The following ATP6V0E2 variants were observed in gnomAD, a reference collection of about 807,000 sequenced individuals.
The protein encoded by ATP6V0E2 is ATPase H+ transporting V0 subunit e2, also known as V-type proton ATPase subunit e 2.
Under a neutral mutation model 11.5 loss-of-function variants are expected in ATP6V0E2, and 4 were observed. That is an observed-to-expected ratio of 0.35 (90% CI 0.17 to 0.80). The LOEUF (loss-of-function observed/expected upper bound fraction) is 0.80, where lower values mean the gene tolerates loss of function less well. ATP6V0E2 is among the 30% of genes least tolerant of loss of function. The pLI, the probability that ATP6V0E2 is intolerant of heterozygous loss-of-function variation, is 0.53. For missense variants in ATP6V0E2, 93 were observed against 113.5 expected, an observed-to-expected ratio of 0.82 and a Z score of 0.82; for synonymous variants, 52 against 51.0, an observed-to-expected ratio of 1.02 and a Z score of -0.09.
At position 149,879,800 on chromosome 7, in the gene ATP6V0E2, C is replaced by G. The variant is rs1178956340; in HGVS notation, c.*485C>G. 2 of 629,200 alleles carry G rather than the reference C, an allele frequency of 3.2e-6. No homozygotes were observed. Among genetic ancestry groups the G allele is most frequent in the East Asian group, 6.9e-5 (2 of 29,184 alleles). 39.0% of individuals were successfully genotyped at this position (629,200 alleles called of 1,614,324 possible). On this transcript the variant is annotated 3_prime_UTR_variant, in exon 4 of 4. Transcript: ENST00000425642. ...GGCCTCTATTGGGTTATAGGCAAGG[C>G]CTTTTCTCTGGCATGGAATTGTTAA...
Position 149,879,777 on chromosome 7 carries a change from C to G in ATP6V0E2, c.*462C>G, listed in dbSNP as rs147326806. ...ACCATCCTGCTGGGAACTGGGGGGGCCTCTATTGGGTTATAGGCAAGGCCT... is the reference window on the plus strand; with the variant it reads ...ACCATCCTGCTGGGAACTGGGGGGGGCTCTATTGGGTTATAGGCAAGGCCT... On this transcript the variant is annotated 3_prime_UTR_variant, in exon 4 of 4. Transcript: ENST00000425642. 1,257 of 912,556 alleles carry G rather than the reference C, an allele frequency of 1.4e-3. 24 individuals carry two copies. In the Admixed American group the frequency reaches 0.044, roughly 32 times the overall value. The allele number at this position is 912,556 out of a possible 1,614,324, so 56.5% of individuals were successfully genotyped here. A position where few individuals can be genotyped will look rare whatever the true frequency, so the allele number is the denominator to read the frequency against.
intron 1 of ATP6V0E2, 38 bp downstream of exon 1, chr7:149,874,207 C>G: frequency 1.3e-6 from 2 of 1,522,594 alleles, no homozygotes; most frequent in Non-Finnish European, 1.8e-6. Context: ...CCTCTCCACC[C>G]CGGCCCCCTG....
rs540552329 is a variant in ATP6V0E2, at chr7:149,873,996, C to T, written c.-70C>T. On this transcript the variant is annotated 5_prime_UTR_variant, in exon 1 of 4. Transcript: ENST00000425642. The stretch of plus-strand genomic sequence containing the variant: ...TGCGCATGCTCAGCGCGCTGCCCGG[C>T]TGGGGACCCGCGCACCTGCAGCGCC... 3.2e-5 allele frequency: 50 copies of T among 1,545,556 alleles called. 1 individual carries two copies. In the South Asian group the frequency reaches 5.6e-4, roughly 17 times the overall value.
At chr7:149,873,948 C>T (rs207468794), upstream of ATP6V0E2, 3 of 1,542,360 alleles carry the variant, frequency 1.9e-6, no homozygotes, top group Admixed American at 1.9e-5. Flanking sequence ...CCCGGCTGAT[C>T]GCTTCGGGTG....
intron 1 of ATP6V0E2, among the ~76,000 whole-genome samples, chr7:149,875,256 C>T (rs994921205): frequency 6.6e-6 from 1 of 152,172 alleles, no homozygotes; most frequent in African/African-American, 2.4e-5. Context: ...AGACCACTCC[C>T]TGTTGGGTTG....
At chr7:149,876,595 C>T (rs569510251) in intron 2 of ATP6V0E2, among the ~76,000 whole-genome samples, 1 of 152,224 alleles carries the variant, frequency 6.6e-6, no homozygotes, top group African/African-American at 2.4e-5. Flanking sequence ...AGAAAAAGAC[C>T]CTGCCCCCGC....
At chr7:149,879,042 A>T (rs1172114824) in intron 3 of ATP6V0E2, 1 of 1,350,788 alleles carries the variant, frequency 7.4e-7, no homozygotes, top group African/African-American at 1.4e-5. Flanking sequence ...GCATCTATTT[A>T]TTTCATGAAA....
chr7:149,878,575 A>T, intron 2 of ATP6V0E2, 103 bp from the exon 3 acceptor site: 1 of 931,298 alleles, frequency 1.1e-6, no homozygotes, highest in Non-Finnish European at 1.6e-6. Flanking sequence ...AGGCCCTGCC[A>T]TCTGCTGGGT....
At chr7:149,873,956 G>T (rs1432219964), upstream of ATP6V0E2, 7 of 1,544,760 alleles carry the variant, frequency 4.5e-6, no homozygotes, top group South Asian at 1.2e-5. Context: ...ATCGCTTCGG[G>T]TGCTCGACTC....
intron 3 of ATP6V0E2, 141 bp from the exon 4 acceptor site, chr7:149,879,194 T>G: frequency 7.1e-7 from 1 of 1,399,000 alleles, no homozygotes; most frequent in Non-Finnish European, 9.2e-7. Context: ...GACCCTAACC[T>G]GGGCCCTAAC....
chr7:149,873,749 G>A, upstream of ATP6V0E2: 1 of 867,348 alleles, frequency 1.2e-6, no homozygotes, highest in South Asian at 2.1e-5. Context: ...GCGGCGTGAC[G>A]TTGGCTGTGC....
Position 149,879,625 on chromosome 7 carries a change from TG to T in ATP6V0E2, c.*314del. 6.8e-7 allele frequency: 1 copy of T among 1,469,436 alleles called. No homozygotes were observed. The allele number at this position is 1,469,436 out of a possible 1,614,324, so 91.0% of individuals were successfully genotyped here. Reference sequence around the variant, plus strand: ...GATGCTGCTGGGGAGCTGGTATGGGTGGGGTCTTTCCCTTTACAGACGGGGC... The same window carrying T: ...GATGCTGCTGGGGAGCTGGTATGGGTGGGTCTTTCCCTTTACAGACGGGGC... On this transcript the variant is annotated 3_prime_UTR_variant, in exon 4 of 4. Coordinates refer to ENST00000425642, the MANE Select transcript of ATP6V0E2 (RefSeq NM_145230.4).
chr7:149,880,598 C>T lies in ATP6V0E2; in HGVS notation c.*1283C>T, dbSNP rs1803416128. 1 of 152,476 alleles carries T rather than the reference C, an allele frequency of 6.6e-6. No individual in the cohort carries two copies. Among genetic ancestry groups the T allele is most frequent in the Non-Finnish European group, 1.5e-5 (1 of 68,220 alleles). The allele number at this position is 152,476 out of a possible 1,614,324, so 9.4% of individuals were successfully genotyped here. A position where few individuals can be genotyped will look rare whatever the true frequency, so the allele number is the denominator to read the frequency against. Reference sequence around the variant, plus strand: ...TTGACATCCTCCCCCTACACTCCCTCTCTGAGCCTCCGTCGCCCCTCCTGT... The same window carrying T: ...TTGACATCCTCCCCCTACACTCCCTTTCTGAGCCTCCGTCGCCCCTCCTGT... On this transcript the variant is annotated 3_prime_UTR_variant, in exon 4 of 4. Coordinates refer to ENST00000425642, the MANE Select transcript of ATP6V0E2 (RefSeq NM_145230.4).
chr7:149,873,019 A>G (rs552577136), upstream of ATP6V0E2: 4 of 152,314 alleles, frequency 2.6e-5, no homozygotes, highest in South Asian at 8.3e-4. Context: ...GGATCTCTAC[A>G]GAAGATAGGG....
intron 2 of ATP6V0E2, 133 bp from the exon 3 acceptor site, chr7:149,878,545 C>T: frequency 1.4e-6 from 1 of 698,420 alleles, no homozygotes; most frequent in South Asian, 2.0e-5. Flanking sequence ...TCCCTGGGCC[C>T]TTCTTCACCC....
In ATP6V0E2 at chr7:149,879,347, C is replaced by T. The variant is rs745521430; in HGVS notation, c.*32C>T. On this transcript the variant is annotated 3_prime_UTR_variant, in exon 4 of 4. Transcript: ENST00000425642. ...ATGTGCTTTTCAGGTGCCCAGCTCTCGGAATGACTGTGGCTCCACTGTCCC... is the reference window on the plus strand; with the variant it reads ...ATGTGCTTTTCAGGTGCCCAGCTCTTGGAATGACTGTGGCTCCACTGTCCC... 1.4e-5 allele frequency: 22 copies of T among 1,542,198 alleles called. 1 individual carries two copies. The Admixed American group carries it at 2.1e-4, about 15-fold the overall frequency.
chr7:149,876,060 A>C, intron 2 of ATP6V0E2: 1 of 461,890 alleles, frequency 2.2e-6, no homozygotes, highest in Non-Finnish European at 4.3e-6. Flanking sequence ...CCCCCAGGTG[A>C]CTGGAATGCA....
rs1277202594 is a variant in ATP6V0E2 at position 149,873,998 on chromosome 7, G to A, written c.-68G>A. The A allele has an allele frequency of 3.2e-6, 5 of 1,545,544 alleles. No individual in the cohort carries two copies. The highest frequency in any genetic ancestry group is 3.5e-6 in the Non-Finnish European group (4 of 1,145,634). ...CGCATGCTCAGCGCGCTGCCCGGCT[G>A]GGGACCCGCGCACCTGCAGCGCCCG... On this transcript the variant is annotated 5_prime_UTR_variant, in exon 1 of 4. It introduces an in-frame stop codon into an upstream open reading frame of the 5' UTR. Coordinates refer to ENST00000425642, the MANE Select transcript of ATP6V0E2 (RefSeq NM_145230.4).
intron 1 of ATP6V0E2, 131 bp downstream of exon 1, chr7:149,874,300 G>A: frequency 1.6e-6 from 2 of 1,245,936 alleles, no homozygotes; most frequent in Non-Finnish European, 2.2e-6. Context: ...GACCCCGGAC[G>A]CCACCTCTGA....
Sources: gnomAD v4.1 joint callset for allele counts (sites outside exome capture counted in the v4.1 genomes callset) on GRCh38, gnomAD v4.1.1 for gene constraint, MANE v1.5 for transcripts, NCBI Gene and HGNC (gene_info 2026-07-23, HGNC 2026-07-21) for gene names.